PREP: variants seen among roughly 807,000 people sequenced by gnomAD.
PREP encodes the protein prolyl endopeptidase.
In PREP, 29 loss-of-function variants were observed where a neutral mutation model predicts 87.6. That is an observed-to-expected ratio of 0.33 (90% CI 0.25 to 0.45). PREP has a LOEUF of 0.45. Among genes scored for constraint, PREP ranks in the 20% least tolerant of loss-of-function variants. The pLI is 1.00. For missense variants in PREP, 695 were observed against 886.5 expected (o/e 0.78, Z 2.74); for synonymous variants, 337 against 328.6 (o/e 1.03, Z -0.28).
intron 4 of PREP, among the ~76,000 whole-genome samples, chr6:105,374,379 C>A (rs1047792634): frequency 2.0e-5 from 3 of 152,016 alleles, no homozygotes; most frequent in Non-Finnish European, 4.4e-5. Flanking sequence ...CAGAGATTTC[C>A]TCTTAGGCTG....
chr6:105,366,393 T>C (rs373207412), intron 6 of PREP, among the ~76,000 whole-genome samples: 2 of 152,320 alleles, frequency 1.3e-5, no homozygotes, highest in African/African-American at 4.8e-5. Flanking sequence ...AGCAGGCAGT[T>C]CCAGCATGGA....
chr6:105,377,261 T>A (rs1213225509), intron 3 of PREP, 125 bp downstream of exon 3: 3 of 1,120,540 alleles, frequency 2.7e-6, no homozygotes, highest in South Asian at 3.3e-5. Context: ...TATTCAGGCA[T>A]AGAAATTAAT....
chr6:105,361,722 T>C (rs768191254), intron 6 of PREP, among the ~76,000 whole-genome samples: 11 of 152,346 alleles, frequency 7.2e-5, no homozygotes, highest in Non-Finnish European at 1.5e-4. Flanking sequence ...TTTGAATTCC[T>C]TTCATAATAG....
At chr6:105,376,018 A>G in intron 4 of PREP, 107 bp downstream of exon 4, 2 of 1,340,856 alleles carry the variant, frequency 1.5e-6, no homozygotes, top group Non-Finnish European at 2.0e-6. Context: ...GTTCCACAAT[A>G]TGGTCCACAC....
intron 5 of PREP, among the ~76,000 whole-genome samples, chr6:105,369,378 C>G (rs944867879): frequency 4.6e-5 from 7 of 152,212 alleles, no homozygotes; most frequent in Non-Finnish European, 8.8e-5. Context: ...GTCAAGATAT[C>G]AGTTCTTCCC....
At chr6:105,298,290 G>A (rs943454465) in intron 10 of PREP, 4 of 152,250 alleles carry the variant, frequency 2.6e-5, no homozygotes, top group African/African-American at 4.8e-5. Flanking sequence ...ATCCAGCTGC[G>A]GTGACAAAGG....
intron 8 of PREP, among the ~76,000 whole-genome samples, chr6:105,331,317 C>A (rs546307399): frequency 2.0e-5 from 3 of 152,214 alleles, no homozygotes; most frequent in Non-Finnish European, 2.9e-5. Context: ...ATCACCCCCC[C>A]AACAAAATCT....
intron 10 of PREP, among the ~76,000 whole-genome samples, 183 bp from the exon 11 acceptor site, chr6:105,289,077 T>G (rs1427539531): frequency 6.6e-6 from 1 of 152,144 alleles, no homozygotes; most frequent in Non-Finnish European, 1.5e-5. Flanking sequence ...GTAGAACAGT[T>G]TAAAGAGGCT....
intron 2 of PREP, among the ~76,000 whole-genome samples, chr6:105,380,093 T>C (rs1047414381): frequency 5.9e-5 from 9 of 152,214 alleles, no homozygotes; most frequent in African/African-American, 2.2e-4. Flanking sequence ...GGTTTGGAAA[T>C]TTACAAACCA....
intron 12 of PREP, among the ~76,000 whole-genome samples, chr6:105,284,012 A>G (rs1583034466): frequency 6.6e-6 from 1 of 152,206 alleles, no homozygotes; most frequent in East Asian, 1.9e-4. Context: ...ACTACATACA[A>G]TTTAAATAGG....
rs758501271 is a variant in PREP at position 105,281,777 on chromosome 6, C to T, written c.1807G>A (p.Asp603Asn). 9.3e-6 allele frequency: 15 copies of T among 1,614,040 alleles called. No individual in the cohort carries two copies. Among genetic ancestry groups the T allele is most frequent in the Non-Finnish European group, 1.3e-5 (15 of 1,179,988 alleles). Residue 603 changes from aspartate to asparagine, a missense_variant, in exon 14 of 15, where the codon GAC (aspartate) becomes AAC (asparagine). Asp to Asn is a conservative substitution (Grantham distance 23). Coordinates refer to ENST00000652536, the MANE Select transcript of PREP (RefSeq NM_002726.5). ...AGCCATTCAAAGTGTTGTTTGCTGTCCGAGCACCCATAATCAGTGGTCCAA... is the reference window on the plus strand; with the variant it reads ...AGCCATTCAAAGTGTTGTTTGCTGTTCGAGCACCCATAATCAGTGGTCCAA... ...HAWTTDYGCS[D>N]SKQHFEWLVK...
intron 3 of PREP, among the ~76,000 whole-genome samples, chr6:105,376,765 C>T (rs542010948): frequency 2.6e-5 from 4 of 152,276 alleles, no homozygotes; most frequent in South Asian, 2.1e-4. Context: ...ATGGACAATA[C>T]GTAAACCGAT....
intron 2 of PREP, among the ~76,000 whole-genome samples, chr6:105,388,201 C>G (rs1198172447): frequency 6.6e-6 from 1 of 152,136 alleles, no homozygotes; most frequent in African/African-American, 2.4e-5. Flanking sequence ...TGCAATACAG[C>G]CAAGGGGCGA....
intron 7 of PREP, among the ~76,000 whole-genome samples, chr6:105,343,706 T>C (rs1173099584): frequency 6.6e-6 from 1 of 152,014 alleles, no homozygotes; most frequent in Non-Finnish European, 1.5e-5. Flanking sequence ...AAAAAGTGGG[T>C]GAAGGATATG....
At chr6:105,321,598 A>G (rs1310064745) in intron 10 of PREP, among the ~76,000 whole-genome samples, 2 of 152,214 alleles carry the variant, frequency 1.3e-5, no homozygotes, top group African/African-American at 4.8e-5. Context: ...GTCATCTATA[A>G]AGAATATTAC....
At chr6:105,324,928 C>T (rs1393160032) in intron 9 of PREP, among the ~76,000 whole-genome samples, 3 of 152,178 alleles carry the variant, frequency 2.0e-5, no homozygotes, top group Non-Finnish European at 4.4e-5. Flanking sequence ...ATACGATTAA[C>T]GCTGACAGTA....
chr6:105,356,756 CAT>C (rs1772109569), intron 6 of PREP, among the ~76,000 whole-genome samples: 1 of 152,222 alleles, frequency 6.6e-6, no homozygotes, highest in African/African-American at 2.4e-5. Flanking sequence ...GTCTATTTTG[CAT>C]AGTTTCCTAG....
intron 10 of PREP, among the ~76,000 whole-genome samples, chr6:105,299,391 G>C (rs1770484174): frequency 6.6e-6 from 1 of 152,168 alleles, no homozygotes; most frequent in South Asian, 2.1e-4. Flanking sequence ...TTGAGGACAG[G>C]AGTTCAAGAC....
At chr6:105,394,455 T>A (rs720225) in intron 2 of PREP, among the ~76,000 whole-genome samples, 63,545 of 151,978 alleles carry the variant, frequency 0.42, 16,683 homozygotes, top group African/African-American at 0.75. Flanking sequence ...TATTCAAATC[T>A]GTGAGTTCAA....
Sources: allele counts gnomAD v4.1 joint callset (sites outside exome capture counted in the v4.1 genomes callset), GRCh38; gene constraint gnomAD v4.1.1; transcripts MANE v1.5; gene names NCBI Gene and HGNC (gene_info 2026-07-23, HGNC 2026-07-21).